AIM2: variants seen among roughly 807,000 people sequenced by gnomAD.
The protein encoded by AIM2 is absent in melanoma 2, also known as interferon-inducible protein AIM2.
A neutral mutation model predicts 27.7 loss-of-function variants in AIM2; 30 were observed. That is an observed-to-expected ratio of 1.08 (90% confidence interval 0.81 to 1.47). The LOEUF is 1.47. AIM2 is among the 40% of genes most tolerant of loss of function. The probability of loss-of-function intolerance (pLI) is 0.00; values close to 1 mark genes in which losing one functional copy is unlikely to be tolerated. For missense variants in AIM2, 358 were observed against 411.3 expected (o/e 0.87, Z 1.12); for synonymous variants, 141 against 145.3 (o/e 0.97, Z 0.21).
chr1:159,056,223 C>G, the AIM2 span, among the ~76,000 whole-genome samples: 1 of 152,166 alleles, frequency 6.6e-6, no homozygotes, highest in Non-Finnish European at 1.5e-5. Flanking sequence ...GGCTTCCCAC[C>G]TGGCAGTTTG....
intron 1 of AIM2, among the ~76,000 whole-genome samples, chr1:159,105,908 G>C (rs927393861): frequency 2.0e-5 from 3 of 152,090 alleles, no homozygotes; most frequent in African/African-American, 7.2e-5. Context: ...CATGCTTCGG[G>C]CCATCCTTGG....
chr1:159,093,697 T>C (rs888920442), intron 1 of AIM2, among the ~76,000 whole-genome samples: 5 of 150,672 alleles, frequency 3.3e-5, no homozygotes, highest in African/African-American at 1.2e-4. Flanking sequence ...TTAGAAAATA[T>C]ATATATACAT....
intron 1 of AIM2, among the ~76,000 whole-genome samples, chr1:159,138,419 C>T (rs1648051878): frequency 6.6e-6 from 1 of 152,218 alleles, no homozygotes; most frequent in African/African-American, 2.4e-5. Context: ...AGGTCTTCCA[C>T]AACCATCATT....
Position 159,063,488 on chromosome 1 carries a change from T to A in AIM2, c.1003A>T (p.Lys335Ter). ...QLTSGVHSTIKVIKAKKKT is the reference protein window; with the variant it reads ...QLTSGVHSTI ...ACTTTGTTCCATGCAGTTCCCACCT[T>A]TATGGTGCTATGAACTCCAGATGTC... is the stretch of plus-strand genomic sequence containing the variant. The change falls in exon 5 of 6, where the codon AAG becomes TAG. Residue 335 changes from lysine (K) to a stop codon, truncating the protein, a stop_gained and splice_region_variant. Transcript: ENST00000368130. LOFTEE classifies it high-confidence loss of function. 1 of 1,611,828 alleles carries A rather than the reference T, an allele frequency of 6.2e-7. No individual in the cohort carries two copies. The highest frequency in any genetic ancestry group is 8.5e-7 in the Non-Finnish European group (1 of 1,179,218).
At chr1:159,139,108 T>C (rs1326202965) in intron 1 of AIM2, among the ~76,000 whole-genome samples, 1 of 152,196 alleles carries the variant, frequency 6.6e-6, no homozygotes, top group Admixed American at 6.5e-5. Flanking sequence ...CCCCTCAGGA[T>C]GAAGAGAGTT....
chr1:159,083,646 C>A (rs577788905), intron 1 of AIM2, among the ~76,000 whole-genome samples: 6 of 152,326 alleles, frequency 3.9e-5, no homozygotes, highest in Admixed American at 1.3e-4. Flanking sequence ...ACCCAAGTAT[C>A]TTCCTATTCT....
rs761027006 is a variant in AIM2, at chr1:159,073,446, A to G, written c.54T>C (p.Thr18=). Residue 18 remains threonine, a synonymous_variant, in exon 2 of 6, where the codon ACT becomes ACC. Coordinates refer to ENST00000368130, the MANE Select transcript of AIM2 (RefSeq NM_004833.3). ...ACTTAAACCTATCCAGTTCCTCATC[A>G]GTGATGTTATCCAGGCCTGTTAGCA... ...ILLLTGLDNI[T]DEELDRFKFF... The G allele has an allele frequency of 6.2e-7, 1 of 1,614,146 alleles. No individual in the cohort carries two copies. The highest frequency in any genetic ancestry group is 2.2e-5 in the East Asian group (1 of 44,876).
At chr1:159,140,602 C>T (rs1318846808), upstream of AIM2, 1 of 152,210 alleles carries the variant, frequency 6.6e-6, no homozygotes, top group Middle Eastern at 3.2e-3. Flanking sequence ...CTCAGGTTTC[C>T]TGGGTTCACC....
chr1:159,113,440 C>T (rs1244261373), intron 1 of AIM2, among the ~76,000 whole-genome samples: 2 of 152,196 alleles, frequency 1.3e-5, no homozygotes, highest in African/African-American at 4.8e-5. Context: ...TCATCTTGGT[C>T]AACCCGTTCA....
intron 4 of AIM2, among the ~76,000 whole-genome samples, chr1:159,064,032 T>C (rs902661138): frequency 3.9e-5 from 6 of 152,222 alleles, no homozygotes; most frequent in Non-Finnish European, 8.8e-5. Context: ...ATATAATATG[T>C]ATAACACAAA....
the AIM2 span, among the ~76,000 whole-genome samples, chr1:159,056,183 CCTT>C: frequency 6.6e-6 from 1 of 152,176 alleles, no homozygotes; most frequent in Non-Finnish European, 1.5e-5. Context: ...GGGAAACGGT[CCTT>C]CTGCAAAGCC....
rs1483352284 is a variant in AIM2 at position 159,062,495 on chromosome 1, CAG to C, written c.*195_*196del. On this transcript the variant is annotated 3_prime_UTR_variant, in exon 6 of 6. Transcript: ENST00000368130. ...TAGTGGGACTGTAATGAATGAGAAACAGATGTTTATTGTGATCATCTGTTGAT... is the reference window on the plus strand; with the variant it reads ...TAGTGGGACTGTAATGAATGAGAAACATGTTTATTGTGATCATCTGTTGAT... The C allele has an allele frequency of 3.4e-6, 2 of 595,910 alleles. No individual in the cohort carries two copies. The highest frequency in any genetic ancestry group is 6.0e-6 in the Non-Finnish European group (2 of 335,904). 36.9% of individuals were successfully genotyped at this position (595,910 alleles called of 1,614,324 possible).
At chr1:159,083,270 A>G (rs1321076450) in intron 1 of AIM2, among the ~76,000 whole-genome samples, 1 of 152,214 alleles carries the variant, frequency 6.6e-6, no homozygotes, top group Non-Finnish European at 1.5e-5. Context: ...TGTAAGATGT[A>G]GGGTTCCAAC....
intron 1 of AIM2, among the ~76,000 whole-genome samples, chr1:159,094,015 C>T (rs766743392): frequency 7.9e-5 from 12 of 151,930 alleles, no homozygotes; most frequent in Non-Finnish European, 1.5e-4. Flanking sequence ...GCTGGGATTA[C>T]AGGCGTGAGT....
intron 1 of AIM2, among the ~76,000 whole-genome samples, chr1:159,135,390 T>C (rs1166841834): frequency 1.3e-5 from 2 of 152,196 alleles, no homozygotes; most frequent in African/African-American, 2.4e-5. Context: ...ACTCTAATAT[T>C]TGGAGCCAGA....
At chr1:159,096,596 G>A (rs1162525956) in intron 1 of AIM2, among the ~76,000 whole-genome samples, 1 of 152,066 alleles carries the variant, frequency 6.6e-6, no homozygotes, top group Non-Finnish European at 1.5e-5. Flanking sequence ...TTGTAAGACT[G>A]CCTCTCTAAA....
chr1:159,131,724 T>G (rs1278530415), intron 1 of AIM2, among the ~76,000 whole-genome samples: 1 of 151,426 alleles, frequency 6.6e-6, no homozygotes, highest in Non-Finnish European at 1.5e-5. Flanking sequence ...ATCCAAATTT[T>G]AGGAGACTGT....
intron 4 of AIM2, 114 bp from the exon 5 acceptor site, chr1:159,063,788 A>C: frequency 4.4e-6 from 5 of 1,138,712 alleles, no homozygotes; most frequent in Non-Finnish European, 6.3e-6. Flanking sequence ...TGATTCTTGA[A>C]CAACACAGAT....
In AIM2 at chr1:159,068,401, T is replaced by G. The variant is rs116111894; in HGVS notation, c.396+167A>C. 6.6e-3 allele frequency among the ~76,000 whole-genome samples: 1,004 copies of G among 152,344 alleles called. 12 individuals carry two copies. Among genetic ancestry groups the G allele is most frequent in the African/African-American group, 0.023 (950 of 41,582 alleles). Reference sequence around the variant, plus strand: ...GAAGCTCAACAGGTGTTTAATCTGATGAATCAAAGGTAGTTCCTGTTTTTG... The same window carrying G: ...GAAGCTCAACAGGTGTTTAATCTGAGGAATCAAAGGTAGTTCCTGTTTTTG... On this transcript the variant is annotated intron_variant, in intron 3 of 5. Coordinates refer to ENST00000368130, the MANE Select transcript of AIM2 (RefSeq NM_004833.3).
Sources: gnomAD v4.1 joint callset for allele counts (sites outside exome capture counted in the v4.1 genomes callset) on GRCh38, gnomAD v4.1.1 for gene constraint, MANE v1.5 for transcripts, NCBI Gene and HGNC (gene_info 2026-07-23, HGNC 2026-07-21) for gene names.